The following CFAP74 variants were observed in gnomAD, a reference collection of about 807,000 sequenced individuals.
CFAP74 encodes the protein cilia and flagella associated protein 74.
A neutral mutation model predicts 188.9 loss-of-function variants in CFAP74; 124 were observed. The observed-to-expected ratio is 0.66, with a 90% CI of 0.57 to 0.76. CFAP74 has a LOEUF of 0.76. Among genes scored for constraint, CFAP74 ranks in the 30% least tolerant of loss-of-function variants. The probability of loss-of-function intolerance (pLI) is 0.00; values close to 1 mark genes in which losing one functional copy is unlikely to be tolerated. For missense variants in CFAP74, 2,198 were observed against 2,165.2 expected (o/e 1.02, Z -0.30); for synonymous variants, 956 against 916.7 (o/e 1.04, Z -0.77).
At chr1:1,972,258 G>T (rs933978139) in intron 8 of CFAP74, among the ~76,000 whole-genome samples, 176 bp from the exon 9 acceptor site, 2 of 152,196 alleles carry the variant, frequency 1.3e-5, no homozygotes, top group Non-Finnish European at 2.9e-5. Flanking sequence ...ATTTTTAACC[G>T]AGGAAGTGAC....
chr1:1,984,889 A>AC (rs1479845948), intron 6 of CFAP74: 5 of 162,050 alleles, frequency 3.1e-5, no homozygotes, highest in African/African-American at 1.2e-4. Context: ...GATGTCATGG[A>AC]CCTGGCTGCA....
chr1:1,980,884 G>A (rs985392492), intron 6 of CFAP74, among the ~76,000 whole-genome samples: 2 of 151,160 alleles, frequency 1.3e-5, no homozygotes, highest in African/African-American at 4.9e-5. Context: ...TGCTGCCTTA[G>A]GCGGCTAAGG....
At chr1:1,944,523 C>A in intron 20 of CFAP74, 71 bp from the exon 21 acceptor site, 1 of 1,490,180 alleles carries the variant, frequency 6.7e-7, no homozygotes, top group Non-Finnish European at 9.0e-7. Context: ...TGAGCACTGA[C>A]ACAGCTCCCA....
At chr1:1,936,706 C>T (rs1292914008) in intron 25 of CFAP74, among the ~76,000 whole-genome samples, 4 of 152,038 alleles carry the variant, frequency 2.6e-5, no homozygotes. Flanking sequence ...GAATTCAAGA[C>T]CAGCTTGGGC....
intron 13 of CFAP74, 79 bp from the exon 14 acceptor site, chr1:1,963,946 G>T: frequency 2.3e-6 from 2 of 875,934 alleles, no homozygotes; most frequent in Non-Finnish European, 3.8e-6. Context: ...TTTGCCTCAA[G>T]GTAACCGCTG....
chr1:1,931,900 T>A lies in CFAP74; in HGVS notation c.3012-1564A>T, dbSNP rs557739832. ...CAACACGGTGAAACCCAATCTCTAC[T>A]GAAAAAAATGCAAAAGTTAGCTGGG... On this transcript the variant is annotated intron_variant, in intron 25 of 38. Coordinates refer to ENST00000682832, the MANE Select transcript of CFAP74 (RefSeq NM_001304360.2). 1.9e-3 allele frequency among the ~76,000 whole-genome samples: 285 copies of A among 146,826 alleles called. 1 individual carries two copies. Among genetic ancestry groups the A allele is most frequent in the African/African-American group, 7.0e-3 (278 of 39,744 alleles).
At chr1:1,991,542 G>A (rs1657564008) in intron 1 of CFAP74, among the ~76,000 whole-genome samples, 1 of 150,370 alleles carries the variant, frequency 6.7e-6, no homozygotes, top group Non-Finnish European at 1.5e-5. Flanking sequence ...GGCAGAGGTT[G>A]CAGTGAGCCG....
intron 17 of CFAP74, among the ~76,000 whole-genome samples, chr1:1,956,273 A>C (rs1184764537): frequency 6.6e-6 from 1 of 152,170 alleles, no homozygotes; most frequent in Admixed American, 6.5e-5. Flanking sequence ...CATGGAGTGC[A>C]CCTGTCCAGT....
Position 1,990,646 on chromosome 1 carries a change from A to G in CFAP74, c.67+244T>C, listed in dbSNP as rs559902641. ...TTCAAAGGATTGGGATAAAAATGGC[A>G]TCAGATTTCTCAATACTGATGTTGG... On this transcript the variant is annotated intron_variant, in intron 2 of 38. Transcript: ENST00000682832. Among the ~76,000 whole-genome samples, 7 of 152,330 alleles carry G rather than the reference A, an allele frequency of 4.6e-5. 1 individual carries two copies. In the South Asian group the frequency reaches 1.0e-3, roughly 23 times the overall value.
intron 25 of CFAP74, among the ~76,000 whole-genome samples, chr1:1,937,910 G>A (rs962418557): frequency 1.3e-5 from 2 of 148,268 alleles, no homozygotes; most frequent in African/African-American, 5.0e-5. Context: ...CAGCATGCGT[G>A]TATACACACA....
intron 20 of CFAP74, among the ~76,000 whole-genome samples, chr1:1,945,799 T>G (rs2748978): frequency 0.85 from 126,966 of 149,466 alleles, 54,379 homozygotes; most frequent in African/African-American, 0.96. Flanking sequence ...CTGCATTCCA[T>G]CCTGGGTGAC....
rs58385129 is a variant in CFAP74 at position 1,938,544 on chromosome 1, C to CTGTA, written c.3011+310_3011+311insTACA. Among the ~76,000 whole-genome samples, 332 of 152,136 alleles carry CTGTA rather than the reference C, an allele frequency of 2.2e-3. 1 individual carries two copies. Among genetic ancestry groups the CTGTA allele is most frequent in the African/African-American group, 7.4e-3 (307 of 41,478 alleles). On this transcript the variant is annotated intron_variant, in intron 25 of 38. Coordinates refer to ENST00000682832, the MANE Select transcript of CFAP74 (RefSeq NM_001304360.2). ...CACACCTGCTCCTACAGTGATACGT[C>CTGTA]TGCGCACACACGTTCACACACACAC... is the stretch of plus-strand genomic sequence containing the variant.
intron 14 of CFAP74, among the ~76,000 whole-genome samples, chr1:1,961,081 G>A (rs1477274836): frequency 6.6e-6 from 1 of 152,194 alleles, no homozygotes; most frequent in Non-Finnish European, 1.5e-5. Flanking sequence ...TTCAACCGTT[G>A]ATTAGCAGCA....
intron 25 of CFAP74, among the ~76,000 whole-genome samples, chr1:1,933,052 A>AT (rs977266472): frequency 6.8e-6 from 1 of 146,084 alleles, no homozygotes; most frequent in African/African-American, 2.6e-5. Flanking sequence ...TGCCCGGCTA[A>AT]TTTTTTTGTA....
chr1:1,948,591 C>G (rs377746258), intron 18 of CFAP74, among the ~76,000 whole-genome samples: 4 of 53,844 alleles, frequency 7.4e-5, no homozygotes, highest in East Asian at 5.7e-4. Flanking sequence ...TTCCTTTCTT[C>G]TTGTTTTTTT....
At position 1,946,402 on chromosome 1, in the gene CFAP74, T is replaced by C. The variant is rs543181566; in HGVS notation, c.2279A>G (p.Lys760Arg). The C allele has an allele frequency of 2.2e-5, 34 of 1,536,990 alleles. No individual in the cohort carries two copies. In the African/African-American group the frequency reaches 2.5e-4, roughly 11 times the overall value. ...EGEIGPFSSI[K>R]VPIVFTPVVP... ...GACCGGAGTGAAGACGATGGGCACC[T>C]TGATGGAGCTGAAGGGGCCAATTTC... The change falls in exon 20 of 39, where the codon AAG (lysine) becomes AGG (arginine). Residue 760 changes from lysine to arginine, a missense_variant. Coordinates refer to ENST00000682832, the MANE Select transcript of CFAP74 (RefSeq NM_001304360.2).
intron 4 of CFAP74, chr1:1,988,180 A>AT: frequency 1.9e-6 from 1 of 530,346 alleles, no homozygotes; most frequent in South Asian, 1.5e-5. Flanking sequence ...TTGCTTTAAC[A>AT]TAATTTAGCA....
At chr1:1,982,405 C>A (rs1210269359) in intron 6 of CFAP74, among the ~76,000 whole-genome samples, 1 of 152,212 alleles carries the variant, frequency 6.6e-6, no homozygotes, top group East Asian at 1.9e-4. Flanking sequence ...CAGGGACATG[C>A]AGGACACCCC....
chr1:1,949,146 T>TCCC (rs1558015742), intron 18 of CFAP74, among the ~76,000 whole-genome samples: 1 of 36,826 alleles, frequency 2.7e-5, no homozygotes, highest in Non-Finnish European at 5.3e-5. Flanking sequence ...CCTCCCTCCC[T>TCCC]TCCTTCCCCT....
Sources: gnomAD v4.1 joint callset for allele counts (sites outside exome capture counted in the v4.1 genomes callset) on GRCh38, gnomAD v4.1.1 for gene constraint, MANE v1.5 for transcripts, NCBI Gene and HGNC (gene_info 2026-07-23, HGNC 2026-07-21) for gene names.